The following GDA variants were observed in gnomAD, a reference collection of about 807,000 sequenced individuals.
GDA encodes the protein cytoplasmic PSD-95 interactor.
Under a neutral mutation model 59.6 loss-of-function variants are expected in GDA, and 18 were observed. That is an observed-to-expected ratio of 0.30 (90% confidence interval 0.21 to 0.45). The LOEUF is 0.45. Among genes scored for constraint, GDA ranks in the 20% least tolerant of loss-of-function variants. GDA has a pLI of 1.00. For missense variants in GDA, 427 were observed against 552.3 expected (o/e 0.77, Z 2.27); for synonymous variants, 201 against 201.1 (o/e 1.00, Z 0.00).
At chr9:72,245,327 A>T in intron 12 of GDA, 49 bp downstream of exon 12, 2 of 1,388,182 alleles carry the variant, frequency 1.4e-6, no homozygotes, top group Non-Finnish European at 2.0e-6. Flanking sequence ...TAAAGTCGTC[A>T]TAATAGCTTC....
At chr9:72,189,166 CTTTTTTTTTTTTTTTT>C (rs71493640) in intron 1 of GDA, among the ~76,000 whole-genome samples, 12 of 54,932 alleles carry the variant, frequency 2.2e-4, no homozygotes, top group African/African-American at 5.7e-4. Flanking sequence ...AGACTCTAGA[CTTTTTTTTTTTTTTTT>C]TTTTTTTTTT....
At position 72,250,748 on chromosome 9, in the gene GDA, A is replaced by C; in HGVS notation, c.*2406A>C. On this transcript the variant is annotated 3_prime_UTR_variant, in exon 14 of 14. Transcript: ENST00000358399. ...TTGTTTTAATATCTTGCTCTCTGACAGGAAAGAAACAATTCACTTACCAGC... is the reference window on the plus strand; with the variant it reads ...TTGTTTTAATATCTTGCTCTCTGACCGGAAAGAAACAATTCACTTACCAGC... The C allele has an allele frequency of 6.2e-7, 1 of 1,612,112 alleles. No individual in the cohort carries two copies. Among genetic ancestry groups the C allele is most frequent in the Non-Finnish European group, 8.5e-7 (1 of 1,179,316 alleles).
upstream of GDA, among the ~76,000 whole-genome samples, chr9:72,148,448 G>A (rs909049232): frequency 2.6e-5 from 4 of 152,112 alleles, no homozygotes; most frequent in African/African-American, 9.7e-5. Context: ...GATTAGTGGA[G>A]TAGAAACTGC....
chr9:72,203,633 G>C (rs1366236710), intron 3 of GDA, among the ~76,000 whole-genome samples: 4 of 152,178 alleles, frequency 2.6e-5, no homozygotes. Flanking sequence ...ATGTCCTGGT[G>C]TTCAGCGCAC....
At chr9:72,253,183 A>G (rs1840799738), downstream of GDA, 1 of 152,190 alleles carries the variant, frequency 6.6e-6, no homozygotes. Context: ...AGCTTACAGA[A>G]CAAGTCTTCG....
At chr9:72,116,603 T>C (rs1440102194) in intron 1 of GDA, among the ~76,000 whole-genome samples, 1 of 151,938 alleles carries the variant, frequency 6.6e-6, no homozygotes. Flanking sequence ...GCCAGGATGG[T>C]CTCCATCTCT....
chr9:72,149,983 CCCCGTT>C (rs979808562), intron 1 of GDA, among the ~76,000 whole-genome samples: 28 of 152,160 alleles, frequency 1.8e-4, no homozygotes, highest in African/African-American at 6.8e-4. Flanking sequence ...CTCCCCCGCC[CCCCGTT>C]CCAATCCTAA....
chr9:72,173,002 G>C (rs538188925), intron 1 of GDA, among the ~76,000 whole-genome samples: 266 of 152,286 alleles, frequency 1.7e-3, no homozygotes, highest in African/African-American at 6.2e-3. Flanking sequence ...AACACAGTGA[G>C]TTAAGTGTTT....
chr9:72,178,412 TA>T (rs1830778904), intron 1 of GDA, among the ~76,000 whole-genome samples: 5 of 138,100 alleles, frequency 3.6e-5, no homozygotes, highest in East Asian at 2.0e-4. Flanking sequence ...TTGGAATCGA[TA>T]TTTTTTTTTT....
chr9:72,229,553 G>C (rs1838079125), intron 9 of GDA, among the ~76,000 whole-genome samples: 1 of 152,126 alleles, frequency 6.6e-6, no homozygotes, highest in Non-Finnish European at 1.5e-5. Context: ...AAGTGAGGGA[G>C]CTGGCTGTGA....
chr9:72,211,743 G>A (rs534212186), intron 4 of GDA, among the ~76,000 whole-genome samples: 4 of 152,190 alleles, frequency 2.6e-5, no homozygotes, highest in Non-Finnish European at 4.4e-5. Context: ...ACAGGTATGG[G>A]AACAGGAGTG....
At chr9:72,243,362 A>T (rs1839825781) in intron 11 of GDA, among the ~76,000 whole-genome samples, 1 of 152,208 alleles carries the variant, frequency 6.6e-6, no homozygotes, top group African/African-American at 2.4e-5. Context: ...CAGTTGGTTT[A>T]TATATACCAT....
chr9:72,180,314 G>A (rs899437752), intron 1 of GDA, among the ~76,000 whole-genome samples: 6 of 152,052 alleles, frequency 3.9e-5, no homozygotes, highest in Non-Finnish European at 8.8e-5. Context: ...ACAAGACTAC[G>A]CCACTGCACT....
intron 1 of GDA, among the ~76,000 whole-genome samples, chr9:72,158,590 T>C (rs1828223789): frequency 6.7e-6 from 1 of 149,060 alleles, no homozygotes; most frequent in African/African-American, 2.5e-5. Context: ...CGAAACTCCG[T>C]CTCCAAAAAA....
intron 1 of GDA, among the ~76,000 whole-genome samples, chr9:72,168,040 A>T (rs970823452): frequency 1.3e-5 from 2 of 152,132 alleles, no homozygotes; most frequent in African/African-American, 4.8e-5. Flanking sequence ...CACCTGGGAG[A>T]TAGAATGTGC....
chr9:72,137,428 T>C (rs1249426410), intron 1 of GDA, among the ~76,000 whole-genome samples: 3 of 151,860 alleles, frequency 2.0e-5, no homozygotes, highest in Non-Finnish European at 4.4e-5. Flanking sequence ...TTTGTATTTT[T>C]AGTAGAGATG....
At chr9:72,200,092 T>G (rs189203824) in intron 2 of GDA, among the ~76,000 whole-genome samples, 3,788 of 149,306 alleles carry the variant, frequency 0.025, 163 homozygotes, top group African/African-American at 0.088. Context: ...CCGCCTCCCG[T>G]GTTCACGCCA....
At chr9:72,180,073 G>A (rs1364090718) in intron 1 of GDA, among the ~76,000 whole-genome samples, 1 of 151,898 alleles carries the variant, frequency 6.6e-6, no homozygotes, top group Non-Finnish European at 1.5e-5. Context: ...TTTTAAAAAT[G>A]GCCATCCGGG....
chr9:72,223,924 T>C (rs1837219745), intron 7 of GDA, among the ~76,000 whole-genome samples: 1 of 152,230 alleles, frequency 6.6e-6, no homozygotes, highest in Admixed American at 6.5e-5. Flanking sequence ...ATTGATTCTT[T>C]ACCATTTGTA....
Sources: gnomAD v4.1 joint callset for allele counts (sites outside exome capture counted in the v4.1 genomes callset) on GRCh38, gnomAD v4.1.1 for gene constraint, MANE v1.5 for transcripts, NCBI Gene and HGNC (gene_info 2026-07-23, HGNC 2026-07-21) for gene names.